The following OPCML variants were observed in gnomAD, a reference collection of about 807,000 sequenced individuals.
OPCML encodes the protein opioid binding protein/cell adhesion molecule like, also known as opioid-binding protein/cell adhesion molecule.
A neutral mutation model predicts 37.8 loss-of-function variants in OPCML; 13 were observed. The observed-to-expected ratio is 0.34, with a 90% CI of 0.22 to 0.55. The LOEUF is 0.55. Among genes scored for constraint, OPCML ranks in the 20% least tolerant of loss-of-function variants. The pLI is 0.91. For missense variants in OPCML, 341 were observed against 435.6 expected (o/e 0.78, Z 1.93); for synonymous variants, 176 against 168.8 (o/e 1.04, Z -0.33).
At chr11:132,443,222 A>T (rs192642872) in intron 4 of OPCML, among the ~76,000 whole-genome samples, 3 of 152,306 alleles carry the variant, frequency 2.0e-5, no homozygotes, top group East Asian at 3.9e-4. Context: ...GAAAAGAACA[A>T]CAGGAGATGA....
At chr11:132,972,209 G>A (rs1195519473) in intron 1 of OPCML, among the ~76,000 whole-genome samples, 2 of 152,096 alleles carry the variant, frequency 1.3e-5, no homozygotes, top group Non-Finnish European at 2.9e-5. Flanking sequence ...CTTCTTCGTT[G>A]TAAAACAGGA....
chr11:132,438,621 A>G (rs2096021151), intron 4 of OPCML, among the ~76,000 whole-genome samples: 4 of 151,478 alleles, frequency 2.6e-5, no homozygotes, highest in Non-Finnish European at 5.9e-5. Flanking sequence ...TGCAGCAGGA[A>G]TGTGTCTGTG....
intron 3 of OPCML, among the ~76,000 whole-genome samples, chr11:132,531,992 A>C (rs1036048971): frequency 6.6e-6 from 1 of 152,146 alleles, no homozygotes; most frequent in African/African-American, 2.4e-5. Context: ...AAGCACAGTC[A>C]GTGAATGGAG....
chr11:132,703,755 T>C (rs1027696362), intron 2 of OPCML, among the ~76,000 whole-genome samples: 3 of 152,090 alleles, frequency 2.0e-5, no homozygotes, highest in African/African-American at 7.2e-5. Context: ...CTTGGGTCCA[T>C]GTGAGTAGGC....
At position 132,570,395 on chromosome 11, in the gene OPCML, AG is replaced by A. The variant is rs1471697757; in HGVS notation, c.380-41210del. On this transcript the variant is annotated intron_variant, in intron 3 of 7. Coordinates refer to ENST00000524381, the MANE Select transcript of OPCML (RefSeq NM_001012393.5). ...AGAGATGCTAGGAGAGGATGTTTTG[AG>A]GGGAAAGTTTGTGAGGACATGAGGG... is the stretch of plus-strand genomic sequence containing the variant. 2.6e-5 allele frequency among the ~76,000 whole-genome samples: 4 copies of A among 152,030 alleles called. No homozygotes were observed. In the East Asian group the frequency reaches 7.8e-4, roughly 29 times the overall value.
At chr11:132,532,054 G>A (rs2096327012) in intron 3 of OPCML, among the ~76,000 whole-genome samples, 1 of 152,114 alleles carries the variant, frequency 6.6e-6, no homozygotes, top group African/African-American at 2.4e-5. Flanking sequence ...ACTCAGAACT[G>A]TTCTTTCCAC....
chr11:133,450,172 C>T (rs951588506), intron 1 of OPCML, among the ~76,000 whole-genome samples: 2 of 151,746 alleles, frequency 1.3e-5, no homozygotes, highest in African/African-American at 4.9e-5. Flanking sequence ...AATTAACCAA[C>T]TTTGCCGCTT....
At chr11:133,112,311 G>GAAAAAAAACAAAAAAAAAAAAA (rs1491223305) in intron 1 of OPCML, among the ~76,000 whole-genome samples, 1 of 79,038 alleles carries the variant, frequency 1.3e-5, no homozygotes, top group Non-Finnish European at 2.1e-5. Context: ...AAAAAAAAAA[G>GAAAAAAAACAAAAAAAAAAAAA]GGGAAAGAAA....
intron 1 of OPCML, among the ~76,000 whole-genome samples, chr11:133,286,437 T>C (rs772769673): frequency 1.3e-4 from 13 of 96,520 alleles, no homozygotes; most frequent in Non-Finnish European, 1.9e-4. Flanking sequence ...GCCACTGCAC[T>C]CCAGCCTGGC....
At chr11:133,408,862 C>G (rs1383503250) in intron 1 of OPCML, among the ~76,000 whole-genome samples, 1 of 152,148 alleles carries the variant, frequency 6.6e-6, no homozygotes, top group African/African-American at 2.4e-5. Context: ...ATTCAAAGAC[C>G]TGCTGTAATA....
In OPCML at chr11:133,206,578, A is replaced by G. The variant is rs988026863; in HGVS notation, c.62-263568T>C. Among the ~76,000 whole-genome samples, 2 of 152,216 alleles carry G rather than the reference A, an allele frequency of 1.3e-5. No homozygotes were observed. The highest frequency in any genetic ancestry group is 2.9e-5 in the Non-Finnish European group (2 of 68,040). On this transcript the variant is annotated intron_variant, in intron 1 of 7. Transcript: ENST00000524381. This position sits in a 1 kb window ranked among gnomAD's most constrained non-coding sequence, Gnocchi z 4.7. ...TCTAAGCCACTAATAAATGAAGGGT[A>G]GTAGATTTGGAAAGCTGTTTATAGG...
Position 132,943,984 on chromosome 11 carries a change from C to G in OPCML, c.62-974G>C, listed in dbSNP as rs569804979. 6.6e-6 allele frequency among the ~76,000 whole-genome samples: 1 copy of G among 151,930 alleles called. No homozygotes were observed. The highest frequency in any genetic ancestry group is 2.4e-5 in the African/African-American group (1 of 41,536). ...CCTGACCGCCACTTTCTCCCGGTGC[C>G]GCCTCGGAGCGAGCGGGCTGGCGGG... On this transcript the variant is annotated intron_variant, in intron 1 of 7. Transcript: ENST00000524381. The surrounding 1 kb of genome is among the most constrained non-coding windows in gnomAD (Gnocchi z 4.3).
chr11:132,682,881 C>T (rs1242973313), intron 2 of OPCML, among the ~76,000 whole-genome samples: 1 of 152,218 alleles, frequency 6.6e-6, no homozygotes. Context: ...GTCTTTCACG[C>T]TCTCACTTGT....
Position 132,727,621 on chromosome 11 carries a change from C to T in OPCML, c.147-70302G>A, listed in dbSNP as rs573920064. 1.6e-3 allele frequency among the ~76,000 whole-genome samples: 238 copies of T among 152,296 alleles called. 1 individual carries two copies. Among genetic ancestry groups the T allele is most frequent in the African/African-American group, 5.6e-3 (234 of 41,560 alleles). On this transcript the variant is annotated intron_variant, in intron 2 of 7. Coordinates refer to ENST00000524381, the MANE Select transcript of OPCML (RefSeq NM_001012393.5). ...CCAGGCGTCTTTAAAAACATACTGA[C>T]ATCGAGTCCCATGCCCATCAATTAT...
chr11:133,017,088 T>C (rs1381548062), intron 1 of OPCML, among the ~76,000 whole-genome samples: 2 of 152,188 alleles, frequency 1.3e-5, no homozygotes, highest in African/African-American at 4.8e-5. Flanking sequence ...AGGGTTGGAT[T>C]CTTGGTAAGG....
chr11:133,492,227 T>G (rs1947679250), intron 1 of OPCML, among the ~76,000 whole-genome samples: 1 of 152,148 alleles, frequency 6.6e-6, no homozygotes. Context: ...ACAGCAGAGC[T>G]AGGAATCAAC....
At chr11:132,551,435 C>T (rs1039640121) in intron 3 of OPCML, among the ~76,000 whole-genome samples, 12 of 152,194 alleles carry the variant, frequency 7.9e-5, no homozygotes, top group Non-Finnish European at 1.5e-4. Flanking sequence ...GGGCAAATCC[C>T]TTTCTTGCCT....
intron 1 of OPCML, among the ~76,000 whole-genome samples, chr11:133,240,884 AC>A (rs748981172): frequency 3.9e-5 from 6 of 152,306 alleles, no homozygotes; most frequent in Admixed American, 3.3e-4. Flanking sequence ...CAAAGTCAGC[AC>A]CCGTGCATCT....
chr11:133,325,743 C>A (rs1320637795), intron 1 of OPCML, among the ~76,000 whole-genome samples: 1 of 150,690 alleles, frequency 6.6e-6, no homozygotes, highest in African/African-American at 2.5e-5. Context: ...TTTCTATGTT[C>A]AAAGTGCTCA....
Sources: gnomAD v4.1 joint callset for allele counts (sites outside exome capture counted in the v4.1 genomes callset) on GRCh38, gnomAD v4.1.1 for gene constraint, Gnocchi (gnomAD v3.1) non-coding constraint, MANE v1.5 for transcripts, NCBI Gene and HGNC (gene_info 2026-07-23, HGNC 2026-07-21) for gene names.